Variants in RAPGEF4 observed in about 807,000 individuals in gnomAD.
The protein encoded by RAPGEF4 is Rap guanine nucleotide exchange factor 4.
RAPGEF4 carries 66 observed loss-of-function variants against 147.9 expected under a neutral mutation model. That is an observed-to-expected ratio of 0.45 (90% CI 0.37 to 0.55). RAPGEF4 has a LOEUF of 0.55. RAPGEF4 is among the 20% of genes least tolerant of loss of function. RAPGEF4 has a pLI of 0.00. For missense variants in RAPGEF4, 1,071 were observed against 1,257.3 expected, an observed-to-expected ratio of 0.85 and a Z score of 2.24; for synonymous variants, 419 against 442.7, an observed-to-expected ratio of 0.95 and a Z score of 0.67.
At chr2:172,809,285 G>C (rs72908120) in intron 3 of RAPGEF4, among the ~76,000 whole-genome samples, 2,252 of 152,278 alleles carry the variant, frequency 0.015, 19 homozygotes, top group South Asian at 0.029. Context: ...AGCAGGCCCA[G>C]TGGTGGAGAT....
rs537545776 is a variant in RAPGEF4 at position 172,812,434 on chromosome 2, G to A, written c.298-1845G>A. Among the ~76,000 whole-genome samples the A allele has an allele frequency of 1.3e-5, 2 of 152,298 alleles. 1 individual carries two copies. Among genetic ancestry groups the A allele is most frequent in the South Asian group, 4.2e-4 (2 of 4,814 alleles). ...CATGAGTCAGGTTGAAATCTCCTGG[G>A]AAAATCCAAGAAGAAATCCAATCTT... is the stretch of plus-strand genomic sequence containing the variant. On this transcript the variant is annotated intron_variant, in intron 3 of 30. Transcript: ENST00000397081.
At chr2:172,887,713 C>T (rs1223129004) in intron 4 of RAPGEF4, among the ~76,000 whole-genome samples, 1 of 152,094 alleles carries the variant, frequency 6.6e-6, no homozygotes, top group African/African-American at 2.4e-5. Flanking sequence ...CTGTATCTGG[C>T]CACTCCTGTC....
At chr2:173,022,553 G>A (rs975684403) in intron 23 of RAPGEF4, among the ~76,000 whole-genome samples, 3 of 152,258 alleles carry the variant, frequency 2.0e-5, no homozygotes, top group African/African-American at 7.2e-5. Flanking sequence ...CCCTGCAGTA[G>A]AGAATGTTGG....
intron 5 of RAPGEF4, among the ~76,000 whole-genome samples, chr2:172,919,538 C>T (rs542797723): frequency 1.3e-5 from 2 of 152,000 alleles, no homozygotes; most frequent in Non-Finnish European, 2.9e-5. Context: ...CTTCTTCCCC[C>T]GCTTATGGAA....
chr2:172,947,128 C>T (rs186327708), intron 6 of RAPGEF4, among the ~76,000 whole-genome samples: 2 of 152,226 alleles, frequency 1.3e-5, no homozygotes, highest in East Asian at 3.9e-4. Context: ...AATCATTGGG[C>T]TTCCTAAGGG....
intron 10 of RAPGEF4, among the ~76,000 whole-genome samples, chr2:172,980,166 T>G (rs895856453): frequency 1.6e-4 from 24 of 151,900 alleles, no homozygotes; most frequent in Middle Eastern, 3.4e-3. Context: ...GGAGAGAGAG[T>G]GTAGCTATCA....
chr2:172,850,198 T>G (rs1692650888), intron 4 of RAPGEF4, among the ~76,000 whole-genome samples: 1 of 152,188 alleles, frequency 6.6e-6, no homozygotes, highest in South Asian at 2.1e-4. Context: ...AAATAAAAAT[T>G]TACCTTTGTT....
intron 23 of RAPGEF4, among the ~76,000 whole-genome samples, chr2:173,021,456 C>T (rs566957240): frequency 1.3e-5 from 2 of 152,166 alleles, no homozygotes; most frequent in South Asian, 2.1e-4. Flanking sequence ...AGCGTGGTGG[C>T]GGGCGCCTGT....
intron 6 of RAPGEF4, among the ~76,000 whole-genome samples, chr2:172,932,628 G>T (rs1396167729): frequency 2.0e-5 from 3 of 152,088 alleles, no homozygotes; most frequent in Non-Finnish European, 4.4e-5. Flanking sequence ...AGACGACTTT[G>T]TCATCCAGAT....
At chr2:172,737,275 A>T (rs565146734) in intron 1 of RAPGEF4, among the ~76,000 whole-genome samples, 1 of 152,336 alleles carries the variant, frequency 6.6e-6, no homozygotes, top group South Asian at 2.1e-4. Context: ...ATAGTAAGAG[A>T]ATTAAAGTAA....
intron 25 of RAPGEF4, 65 bp from the exon 26 acceptor site, chr2:173,030,099 C>A: frequency 1.8e-6 from 2 of 1,108,232 alleles, no homozygotes; most frequent in Non-Finnish European, 2.8e-6. Flanking sequence ...GAAAATAGAA[C>A]TCTAATTTTT....
chr2:172,938,452 G>A (rs760972825), intron 6 of RAPGEF4, among the ~76,000 whole-genome samples: 14 of 152,132 alleles, frequency 9.2e-5, no homozygotes, highest in Non-Finnish European at 1.6e-4. Flanking sequence ...GGTTTAAACT[G>A]TTTGCCTGGG....
At chr2:172,918,371 C>CCACACACACACACACACA (rs377074360) in intron 5 of RAPGEF4, among the ~76,000 whole-genome samples, 86 of 137,696 alleles carry the variant, frequency 6.2e-4, no homozygotes, top group African/African-American at 1.4e-3. Context: ...GATGCTCTTA[C>CCACACACACACACACACA]CACACACACA....
intron 4 of RAPGEF4, among the ~76,000 whole-genome samples, chr2:172,870,254 C>T (rs1189325286): frequency 6.6e-6 from 1 of 152,168 alleles, no homozygotes; most frequent in Non-Finnish European, 1.5e-5. Context: ...GTACACTATA[C>T]TGTATGACGT....
At chr2:172,855,522 T>A (rs1203246960) in intron 4 of RAPGEF4, among the ~76,000 whole-genome samples, 1 of 152,236 alleles carries the variant, frequency 6.6e-6, no homozygotes, top group Admixed American at 6.5e-5. Flanking sequence ...ACATTTCCAG[T>A]GATCTTCTTT....
At position 172,917,857 on chromosome 2, in the gene RAPGEF4, C is replaced by A. The variant is rs79167858; in HGVS notation, c.500C>A (p.Thr167Lys). The A allele has an allele frequency of 1.2e-6, 2 of 1,613,492 alleles. No individual in the cohort carries two copies. The highest frequency in any genetic ancestry group is 2.2e-5 in the South Asian group (2 of 91,068). ...GCTCCTCCTTATGGTGTTATGGAAA[C>A]GGGCTCTAACAATGACAGTAAGTGG... ...LLAPPYGVME[T>K]GSNNDRIPDK... Residue 167 changes from threonine (T) to lysine (K), a missense_variant, in exon 5 of 31, where the codon ACG becomes AAG. Coordinates refer to ENST00000397081, the MANE Select transcript of RAPGEF4 (RefSeq NM_007023.4).
intron 6 of RAPGEF4, among the ~76,000 whole-genome samples, chr2:172,959,329 T>G (rs1391270713): frequency 1.3e-5 from 2 of 152,218 alleles, no homozygotes. Flanking sequence ...CTCTTTAATC[T>G]TCAAAGCCAG....
intron 17 of RAPGEF4, among the ~76,000 whole-genome samples, chr2:173,003,496 C>T (rs1694148897): frequency 6.6e-6 from 1 of 152,186 alleles, no homozygotes; most frequent in Non-Finnish European, 1.5e-5. Flanking sequence ...TCAGCTCTGT[C>T]TGTGTCAGGT....
chr2:172,818,239 T>G (rs1461690402), intron 4 of RAPGEF4, among the ~76,000 whole-genome samples: 1 of 152,048 alleles, frequency 6.6e-6, no homozygotes. Flanking sequence ...CAGAGTACAC[T>G]ACTCAGGTGA....
Sources: gnomAD v4.1 joint callset for allele counts (sites outside exome capture counted in the v4.1 genomes callset) on GRCh38, gnomAD v4.1.1 for gene constraint, MANE v1.5 for transcripts, NCBI Gene and HGNC (gene_info 2026-07-23, HGNC 2026-07-21) for gene names.